POLE2: variants seen among roughly 807,000 people sequenced by gnomAD.
POLE2 encodes DNA polymerase epsilon subunit 2.
In POLE2, 56 loss-of-function variants were observed where a neutral mutation model predicts 79.4. That is an observed-to-expected ratio of 0.71 (90% CI 0.57 to 0.88). The LOEUF (loss-of-function observed/expected upper bound fraction) is 0.88, where lower values mean the gene tolerates loss of function less well. POLE2 is among the 40% of genes least tolerant of loss of function. POLE2 has a pLI of 0.00. For missense variants in POLE2, 598 were observed against 638.9 expected (o/e 0.94, Z 0.69); for synonymous variants, 212 against 214.0 (o/e 0.99, Z 0.08).
At position 49,680,900 on chromosome 14, in the gene POLE2, C is replaced by T. The variant is rs1379518051; in HGVS notation, c.170-1100G>A. On this transcript the variant is annotated intron_variant, in intron 2 of 18. Transcript: ENST00000216367. ...CCCGCCTCAGCCTCCCAAAATGCTGCGATTACAGGCGTGAGACAAGTATCA... is the reference window on the plus strand; with the variant it reads ...CCCGCCTCAGCCTCCCAAAATGCTGTGATTACAGGCGTGAGACAAGTATCA... 2.0e-5 allele frequency among the ~76,000 whole-genome samples: 3 copies of T among 152,028 alleles called. No homozygotes were observed. In the South Asian group the frequency reaches 6.2e-4, roughly 32 times the overall value.
chr14:49,685,775 C>A (rs1366902984), intron 1 of POLE2, among the ~76,000 whole-genome samples: 32 of 151,022 alleles, frequency 2.1e-4, no homozygotes, highest in Admixed American at 2.1e-3. Flanking sequence ...CACATCACCA[C>A]GTCTGGCTGG....
At chr14:49,643,777 A>G in intron 18 of POLE2, 107 bp from the exon 19 acceptor site, 1 of 553,406 alleles carries the variant, frequency 1.8e-6, no homozygotes, top group Non-Finnish European at 3.2e-6. Context: ...TTTTAAAAAC[A>G]GGTCAATACA....
At chr14:49,656,728 A>G (rs1490375434) in intron 10 of POLE2, among the ~76,000 whole-genome samples, 3 of 152,156 alleles carry the variant, frequency 2.0e-5, no homozygotes, top group Admixed American at 6.5e-5. Context: ...CAAATACCCC[A>G]TAGGCCTCCT....
intron 10 of POLE2, among the ~76,000 whole-genome samples, chr14:49,656,441 T>C (rs1884686018): frequency 6.6e-6 from 1 of 152,128 alleles, no homozygotes; most frequent in East Asian, 1.9e-4. Context: ...AGTACACCAT[T>C]TGAACAATAT....
intron 17 of POLE2, among the ~76,000 whole-genome samples, chr14:49,648,991 A>G (rs1373858116): frequency 1.3e-5 from 2 of 152,090 alleles, no homozygotes; most frequent in Non-Finnish European, 2.9e-5. Context: ...AAAAATTAGT[A>G]AAGTCTAAAA....
intron 3 of POLE2, chr14:49,677,638 G>A (rs1488427195): frequency 3.0e-6 from 2 of 666,222 alleles, no homozygotes; most frequent in East Asian, 3.1e-5. Context: ...TCTGGTCCCT[G>A]GGCTGTGTGA....
intron 2 of POLE2, among the ~76,000 whole-genome samples, 167 bp downstream of exon 2, chr14:49,683,426 A>G (rs1204219050): frequency 6.6e-6 from 1 of 151,040 alleles, no homozygotes; most frequent in Admixed American, 6.6e-5. Flanking sequence ...AAAAAATTAA[A>G]ATAAACTAAA....
At chr14:49,674,909 TTAGC>T (rs1886155872) in intron 3 of POLE2, among the ~76,000 whole-genome samples, 1 of 152,056 alleles carries the variant, frequency 6.6e-6, no homozygotes, top group Admixed American at 6.6e-5. Context: ...TGTAAAATGT[TTAGC>T]TTGTGCATTT....
At chr14:49,645,713 C>T (rs1398555375) in intron 18 of POLE2, among the ~76,000 whole-genome samples, 4 of 152,264 alleles carry the variant, frequency 2.6e-5, no homozygotes, top group Admixed American at 6.5e-5. Flanking sequence ...CTCTGACTCC[C>T]GAGCTCAAGT....
chr14:49,647,866 T>G (rs1477217466), intron 17 of POLE2, among the ~76,000 whole-genome samples: 1 of 152,248 alleles, frequency 6.6e-6, no homozygotes, highest in Non-Finnish European at 1.5e-5. Flanking sequence ...TACACGATCT[T>G]TTTACAGAGT....
At chr14:49,655,627 ACC>A in intron 11 of POLE2, 42 bp downstream of exon 11, 2 of 1,352,846 alleles carry the variant, frequency 1.5e-6, no homozygotes, top group African/African-American at 3.0e-5. Flanking sequence ...TAAAACATGA[ACC>A]CTTAAAAGAG....
chr14:49,676,798 T>TA (rs1489408459), intron 3 of POLE2, among the ~76,000 whole-genome samples: 7 of 152,228 alleles, frequency 4.6e-5, no homozygotes, highest in African/African-American at 1.4e-4. Context: ...TGGTCGTTGC[T>TA]ATGTGCCCTG....
At chr14:49,687,891 G>T (rs892908332) in intron 1 of POLE2, among the ~76,000 whole-genome samples, 1 of 152,058 alleles carries the variant, frequency 6.6e-6, no homozygotes, top group African/African-American at 2.4e-5. Context: ...GTAGAGACGG[G>T]GCTTCACCAT....
At chr14:49,655,535 CTAATT>C (rs981791945) in intron 11 of POLE2, 131 bp downstream of exon 11, 4 of 648,504 alleles carry the variant, frequency 6.2e-6, no homozygotes, top group Non-Finnish European at 1.0e-5. Flanking sequence ...AAAATGAAAT[CTAATT>C]TAAATTATCT....
chr14:49,652,844 A>C (rs142917925), intron 15 of POLE2, among the ~76,000 whole-genome samples: 5 of 152,218 alleles, frequency 3.3e-5, no homozygotes, highest in Middle Eastern at 3.4e-3. Flanking sequence ...AATCATCCCA[A>C]AATCACCCCC....
intron 1 of POLE2, among the ~76,000 whole-genome samples, chr14:49,687,657 G>A (rs1887252392): frequency 6.6e-6 from 1 of 151,922 alleles, no homozygotes; most frequent in Non-Finnish European, 1.5e-5. Context: ...CCTCGCATGG[G>A]TCGGGGAAAC....
chr14:49,675,493 G>A (rs1412548920), intron 3 of POLE2, among the ~76,000 whole-genome samples: 1 of 152,080 alleles, frequency 6.6e-6, no homozygotes, highest in Non-Finnish European at 1.5e-5. Context: ...AGGCTGGGGT[G>A]TGATCTTGGC....
At chr14:49,663,632 C>T (rs1885251297) in intron 9 of POLE2, among the ~76,000 whole-genome samples, 1 of 152,040 alleles carries the variant, frequency 6.6e-6, no homozygotes, top group South Asian at 2.1e-4. Context: ...CGTGTTGATA[C>T]AGATTAGGAA....
At chr14:49,664,073 G>A (rs1034818907) in intron 9 of POLE2, among the ~76,000 whole-genome samples, 1 of 150,544 alleles carries the variant, frequency 6.6e-6, no homozygotes, top group African/African-American at 2.4e-5. Flanking sequence ...TTCAGGCCGG[G>A]CATGGTGGCT....
Sources: gnomAD v4.1 joint callset for allele counts (sites outside exome capture counted in the v4.1 genomes callset) on GRCh38, gnomAD v4.1.1 for gene constraint, MANE v1.5 for transcripts, NCBI Gene and HGNC (gene_info 2026-07-23, HGNC 2026-07-21) for gene names.